RALGPS1: variants seen among roughly 807,000 people sequenced by gnomAD.
RALGPS1 encodes ras-specific guanine nucleotide-releasing factor RalGPS1.
RALGPS1 carries 19 observed loss-of-function variants against 78.8 expected under a neutral mutation model. The ratio of observed to expected loss-of-function variants is 0.24; its 90% CI spans 0.17 to 0.35. The LOEUF is 0.35. RALGPS1 is among the 10% of genes least tolerant of loss of function. The probability of loss-of-function intolerance (pLI) is 1.00; values close to 1 mark genes in which losing one functional copy is unlikely to be tolerated. For synonymous variants in RALGPS1, 228 were observed against 256.3 expected (o/e 0.89, Z 1.06); for missense variants, 454 against 688.3 (o/e 0.66, Z 3.81).
chr9:127,064,195 T>G (rs1259582328), intron 7 of RALGPS1, among the ~76,000 whole-genome samples: 1 of 152,228 alleles, frequency 6.6e-6, no homozygotes, highest in Non-Finnish European at 1.5e-5. Context: ...TCTCTTTTCT[T>G]GAACAAGAAT....
chr9:127,137,395 T>C (rs1338431237), intron 8 of RALGPS1, among the ~76,000 whole-genome samples: 1 of 152,218 alleles, frequency 6.6e-6, no homozygotes, highest in Non-Finnish European at 1.5e-5. Flanking sequence ...CACAGCTGCC[T>C]GTAGCTGACC....
At chr9:127,035,443 C>A (rs1280386108) in intron 5 of RALGPS1, among the ~76,000 whole-genome samples, 1 of 152,202 alleles carries the variant, frequency 6.6e-6, no homozygotes, top group African/African-American at 2.4e-5. Context: ...TGCAAACCCC[C>A]AAATTGTACT....
intron 1 of RALGPS1, among the ~76,000 whole-genome samples, chr9:126,950,206 G>A (rs1322817537): frequency 6.9e-6 from 1 of 144,232 alleles, no homozygotes; most frequent in African/African-American, 2.5e-5. Context: ...ATGCTGTTTT[G>A]GTTACTGTAG....
At chr9:127,180,598 C>A (rs1231903409) in intron 11 of RALGPS1, among the ~76,000 whole-genome samples, 2 of 152,246 alleles carry the variant, frequency 1.3e-5, no homozygotes, top group Non-Finnish European at 2.9e-5. Flanking sequence ...CCCTGGCATA[C>A]ACTTACCTCT....
intron 7 of RALGPS1, among the ~76,000 whole-genome samples, chr9:127,055,564 A>G (rs929810516): frequency 6.6e-6 from 1 of 152,160 alleles, no homozygotes; most frequent in African/African-American, 2.4e-5. Context: ...ACAGCTACCC[A>G]TTGAGATAGG....
intron 1 of RALGPS1, among the ~76,000 whole-genome samples, chr9:126,917,653 C>T (rs2034309783): frequency 6.6e-6 from 1 of 152,154 alleles, no homozygotes; most frequent in South Asian, 2.1e-4. Context: ...ATAAATGAGA[C>T]GGGAGGGGAG....
chr9:127,022,133 A>G (rs1429912750), intron 4 of RALGPS1, among the ~76,000 whole-genome samples: 1 of 152,072 alleles, frequency 6.6e-6, no homozygotes, highest in Non-Finnish European at 1.5e-5. Flanking sequence ...GTGTATACTG[A>G]TTTCACTGGA....
At chr9:127,139,128 G>A (rs2057596738) in intron 8 of RALGPS1, among the ~76,000 whole-genome samples, 1 of 152,196 alleles carries the variant, frequency 6.6e-6, no homozygotes, top group Admixed American at 6.5e-5. Context: ...CCAACAGTGT[G>A]TTGTCTGGGC....
In RALGPS1 at chr9:127,168,892, T is replaced by C. The variant is rs1052708032; in HGVS notation, c.842+120T>C. 5 of 765,212 alleles carry C rather than the reference T, an allele frequency of 6.5e-6. No individual in the cohort carries two copies. In the Admixed American group the frequency reaches 8.4e-5, roughly 13 times the overall value. 47.4% of individuals were successfully genotyped at this position (765,212 alleles called of 1,614,324 possible). A position where few individuals can be genotyped will look rare whatever the true frequency, so the allele number is the denominator to read the frequency against. On this transcript the variant is annotated intron_variant, in intron 10 of 18. Coordinates refer to ENST00000259351, the MANE Select transcript of RALGPS1 (RefSeq NM_014636.3). ...AGTGAGTAGCCACCTGCAGGGCTTA[T>C]CAGAGTCCACAGCAGTAGCGCCCAG... is the stretch of plus-strand genomic sequence containing the variant.
chr9:127,030,204 G>A (rs2046310863), intron 4 of RALGPS1, among the ~76,000 whole-genome samples: 1 of 152,164 alleles, frequency 6.6e-6, no homozygotes. Flanking sequence ...TCTTGGACGG[G>A]AGCTCAGGAG....
rs781621744 is a variant in RALGPS1 at position 127,166,170 on chromosome 9, C to T, written c.712C>T (p.Arg238Ter). 4.3e-6 allele frequency: 7 copies of T among 1,613,502 alleles called. No individual in the cohort carries two copies. Among genetic ancestry groups the T allele is most frequent in the Non-Finnish European group, 5.1e-6 (6 of 1,179,898 alleles). ...QRSNQMNNIL[R>*]IIADLQVSCS... ...ATCCAATCAGATGAACAATATTCTT[C>T]GAATAATTGCTGATTTACAAGTTTC... Residue 238 changes from arginine (R) to a stop codon, truncating the protein, a stop_gained, in exon 9 of 19, where the codon CGA becomes TGA. Transcript: ENST00000259351. LOFTEE classifies it high-confidence loss of function.
chr9:126,919,401 G>A (rs1330206354), intron 1 of RALGPS1, among the ~76,000 whole-genome samples: 1 of 152,208 alleles, frequency 6.6e-6, no homozygotes, highest in African/African-American at 2.4e-5. Context: ...GGCAATCCAT[G>A]TATCTGGATG....
chr9:127,073,345 T>C (rs961638758), intron 8 of RALGPS1, among the ~76,000 whole-genome samples: 7 of 152,180 alleles, frequency 4.6e-5, no homozygotes, highest in African/African-American at 1.7e-4. Context: ...TAGTTGTCTT[T>C]CTGTGCCTGG....
intron 1 of RALGPS1, among the ~76,000 whole-genome samples, chr9:126,954,157 C>T (rs946285177): frequency 6.6e-6 from 1 of 152,218 alleles, no homozygotes; most frequent in African/African-American, 2.4e-5. Context: ...GGTGAACCAC[C>T]TAGTGGGTGG....
chr9:127,093,544 C>T (rs1160057044), intron 8 of RALGPS1, among the ~76,000 whole-genome samples: 1 of 152,150 alleles, frequency 6.6e-6, no homozygotes, highest in African/African-American at 2.4e-5. Context: ...CCTCACTACC[C>T]CTGGTGGGTT....
At chr9:127,100,634 C>T (rs994852418) in intron 8 of RALGPS1, among the ~76,000 whole-genome samples, 4 of 152,154 alleles carry the variant, frequency 2.6e-5, no homozygotes, top group Non-Finnish European at 4.4e-5. Flanking sequence ...TAGAGGTGGG[C>T]AGTGCCCCAG....
intron 8 of RALGPS1, among the ~76,000 whole-genome samples, chr9:127,159,159 C>T (rs1274078910): frequency 6.6e-6 from 1 of 152,158 alleles, no homozygotes; most frequent in Non-Finnish European, 1.5e-5. Flanking sequence ...AGATGCATGG[C>T]CTCTCCTCAT....
At chr9:127,001,990 T>A (rs897559055) in intron 4 of RALGPS1, among the ~76,000 whole-genome samples, 4 of 152,224 alleles carry the variant, frequency 2.6e-5, no homozygotes, top group African/African-American at 9.7e-5. Context: ...AGAAATTTTT[T>A]AAAATGCATA....
chr9:127,071,806 AAC>A (rs1417258716), intron 8 of RALGPS1, among the ~76,000 whole-genome samples: 1 of 152,148 alleles, frequency 6.6e-6, no homozygotes, highest in Non-Finnish European at 1.5e-5. Flanking sequence ...TTATTTTTAA[AAC>A]AGTTTACTGA....
Sources: allele counts gnomAD v4.1 joint callset (sites outside exome capture counted in the v4.1 genomes callset), GRCh38; gene constraint gnomAD v4.1.1; transcripts MANE v1.5; gene names NCBI Gene and HGNC (gene_info 2026-07-23, HGNC 2026-07-21).